NELL1: variants seen among roughly 807,000 people sequenced by gnomAD.
NELL1 encodes neural EGFL like 1.
A neutral mutation model predicts 107.4 loss-of-function variants in NELL1; 76 were observed. That is an observed-to-expected ratio of 0.71 (90% confidence interval 0.59 to 0.86). NELL1 has a LOEUF of 0.86. Ranked by LOEUF, NELL1 falls within the 40% of genes least tolerant of loss-of-function variation. The pLI, the probability that NELL1 is intolerant of heterozygous loss-of-function variation, is 0.00. For synonymous variants in NELL1, 353 were observed against 341.2 expected, an observed-to-expected ratio of 1.03 and a Z score of -0.38; for missense variants, 1,024 against 1,005.5, an observed-to-expected ratio of 1.02 and a Z score of -0.25.
chr11:20,751,253 T>C (rs1856131954), intron 2 of NELL1, among the ~76,000 whole-genome samples: 1 of 152,278 alleles, frequency 6.6e-6, no homozygotes, highest in East Asian at 1.9e-4. Flanking sequence ...TGTCAATTTC[T>C]TTAAAAAATT....
rs1336897332 is a variant in NELL1 at position 20,896,847 on chromosome 11, A to T, written c.603+11307A>T. Among the ~76,000 whole-genome samples, 20 of 152,142 alleles carry T rather than the reference A, an allele frequency of 1.3e-4. 1 individual carries two copies. The highest frequency in any genetic ancestry group is 1.3e-3 in the Admixed American group (20 of 15,274). ...AGAGAATAAAATACCTAGGAATCCA[A>T]CTTACAAGGGATGTGAAGGACCTCT... On this transcript the variant is annotated intron_variant, in intron 5 of 19. Coordinates refer to ENST00000357134, the MANE Select transcript of NELL1 (RefSeq NM_006157.5).
At chr11:21,206,447 T>C (rs1049211394) in intron 13 of NELL1, among the ~76,000 whole-genome samples, 2 of 152,202 alleles carry the variant, frequency 1.3e-5, no homozygotes, top group Admixed American at 1.3e-4. Context: ...TCAGAGGTTC[T>C]TGGTGTATAC....
At chr11:21,028,661 CGT>C in intron 12 of NELL1, among the ~76,000 whole-genome samples, 1 of 151,958 alleles carries the variant, frequency 6.6e-6, no homozygotes. Context: ...TCTTTTTTAA[CGT>C]TACCTTTCTT....
intron 13 of NELL1, among the ~76,000 whole-genome samples, chr11:21,224,169 G>A (rs1363353625): frequency 6.6e-6 from 1 of 151,958 alleles, no homozygotes; most frequent in East Asian, 1.9e-4. Context: ...TTTATTTGGG[G>A]GCTTTTAGCT....
chr11:20,678,509 A>G (rs1210481741), intron 2 of NELL1, among the ~76,000 whole-genome samples: 1 of 152,208 alleles, frequency 6.6e-6, no homozygotes, highest in African/African-American at 2.4e-5. Context: ...TCTGCCCACT[A>G]TAAGCGGGAC....
chr11:21,400,127 C>G (rs1034183814), intron 15 of NELL1, among the ~76,000 whole-genome samples: 1 of 151,728 alleles, frequency 6.6e-6, no homozygotes. Flanking sequence ...GAAAGTCAAC[C>G]GTCACAAAAC....
intron 12 of NELL1, among the ~76,000 whole-genome samples, chr11:20,963,352 C>T (rs71488765): frequency 0.042 from 6,369 of 152,164 alleles, 209 homozygotes; most frequent in Middle Eastern, 0.2. Flanking sequence ...ACCACACACA[C>T]ACTTCTAGAC....
chr11:20,716,006 C>G (rs745787240), intron 2 of NELL1, among the ~76,000 whole-genome samples: 5 of 152,296 alleles, frequency 3.3e-5, no homozygotes, highest in Non-Finnish European at 5.9e-5. Context: ...TGTGGGAACA[C>G]ATCTCTAAAA....
At chr11:20,678,579 AGCATGGTGTTTCTCACAATTCTGGAG>A (rs1174885175) in intron 2 of NELL1, among the ~76,000 whole-genome samples, 2 of 152,172 alleles carry the variant, frequency 1.3e-5, no homozygotes, top group African/African-American at 4.8e-5. Context: ...GGTTCTTAGA[AGCATGGTGTTTCTCACAATTCTGGAG>A]GCTGTGAAGT....
rs532535206 is a variant in NELL1, at chr11:20,949,894, C to T, written c.1171+2459C>T. ...AAGGGCTTTCTTTTTCATACCAGTT[C>T]CTTCTCAGCCAGGAAACAGCCAGCT... On this transcript the variant is annotated intron_variant, in intron 11 of 19. Transcript: ENST00000357134. Among the ~76,000 whole-genome samples the T allele has an allele frequency of 9.2e-5, 14 of 152,254 alleles. No individual in the cohort carries two copies. The South Asian group carries it at 2.9e-3, about 32-fold the overall frequency.
chr11:20,763,872 A>G (rs553712160), intron 2 of NELL1, among the ~76,000 whole-genome samples: 3 of 152,292 alleles, frequency 2.0e-5, no homozygotes, highest in East Asian at 3.9e-4. Flanking sequence ...TAGTATTAGC[A>G]TAAGTTAGAG....
At chr11:20,698,019 T>C (rs962827153) in intron 2 of NELL1, among the ~76,000 whole-genome samples, 2 of 152,190 alleles carry the variant, frequency 1.3e-5, no homozygotes, top group African/African-American at 4.8e-5. Context: ...AATTGTTTTT[T>C]CTGTTGATTG....
intron 13 of NELL1, among the ~76,000 whole-genome samples, chr11:21,117,396 A>G (rs964513643): frequency 2.0e-5 from 3 of 152,010 alleles, no homozygotes; most frequent in Admixed American, 1.3e-4. Flanking sequence ...TACTTAGAAC[A>G]TTACCTGGCA....
intron 2 of NELL1, among the ~76,000 whole-genome samples, chr11:20,713,043 C>T (rs1220526768): frequency 1.3e-5 from 2 of 152,190 alleles, no homozygotes; most frequent in Admixed American, 1.3e-4. Context: ...TTTTCTCTTT[C>T]CTGGGAGCAG....
At chr11:21,230,748 T>G (rs1474100492) in intron 14 of NELL1, among the ~76,000 whole-genome samples, 1 of 152,222 alleles carries the variant, frequency 6.6e-6, no homozygotes, top group African/African-American at 2.4e-5. Flanking sequence ...TTTTATTCTG[T>G]GTTGGTTAAG....
intron 15 of NELL1, among the ~76,000 whole-genome samples, chr11:21,402,381 G>A (rs1200660940): frequency 1.3e-5 from 2 of 151,746 alleles, no homozygotes; most frequent in Non-Finnish European, 2.9e-5. Flanking sequence ...CATAATATTT[G>A]CGTTTTACAG....
At position 21,115,072 on chromosome 11, in the gene NELL1, C is replaced by T. The variant is rs975294609; in HGVS notation, c.1426+1358C>T. Among the ~76,000 whole-genome samples, 8 of 151,916 alleles carry T rather than the reference C, an allele frequency of 5.3e-5. No individual in the cohort carries two copies. In the South Asian group the frequency reaches 1.0e-3, roughly 20 times the overall value. ...TTCTACCAGAATGCTTGACTTTGCT[C>T]GGATTTCCTCACTGAGAAAGGAAGG... On this transcript the variant is annotated intron_variant, in intron 13 of 19. Transcript: ENST00000357134.
intron 14 of NELL1, among the ~76,000 whole-genome samples, chr11:21,318,010 G>A (rs1169390349): frequency 1.3e-5 from 2 of 152,014 alleles, no homozygotes; most frequent in Non-Finnish European, 2.9e-5. Flanking sequence ...GCCTCTATGT[G>A]CTTTCAAATG....
chr11:21,174,194 G>A (rs1856664323), intron 13 of NELL1, among the ~76,000 whole-genome samples: 2 of 151,778 alleles, frequency 1.3e-5, no homozygotes, highest in East Asian at 3.9e-4. Context: ...ACTGCTGAAA[G>A]TGAGAGATAC....
Sources: gnomAD v4.1 joint callset for allele counts (sites outside exome capture counted in the v4.1 genomes callset) on GRCh38, gnomAD v4.1.1 for gene constraint, MANE v1.5 for transcripts, NCBI Gene and HGNC (gene_info 2026-07-23, HGNC 2026-07-21) for gene names.